Variants in ATP2B3 observed in about 807,000 individuals in gnomAD.
ATP2B3 encodes ATPase plasma membrane Ca2+ transporting 3.
ATP2B3 carries 12 observed loss-of-function variants against 70.8 expected under a neutral mutation model. The ratio of observed to expected loss-of-function variants is 0.17; its 90% CI spans 0.11 to 0.27. The LOEUF (loss-of-function observed/expected upper bound fraction) is 0.27. ATP2B3 is among the 10% of genes least tolerant of loss of function. The pLI, the probability that ATP2B3 is intolerant of heterozygous loss-of-function variation, is 1.00. For synonymous variants in ATP2B3, 460 were observed against 497.8 expected (o/e 0.92, Z 1.01); for missense variants, 858 against 1,118.5 (o/e 0.77, Z 3.32).
intron 7 of ATP2B3, among the ~76,000 whole-genome samples, chrX:153,543,718 C>T (rs947326084): frequency 8.8e-6 from 1 of 113,179 alleles, no homozygotes; most frequent in Non-Finnish European, 1.9e-5. Context: ...CTGCAGCGGG[C>T]GGAGTCCTCA....
intron 2 of ATP2B3, among the ~76,000 whole-genome samples, chrX:153,524,609 T>C (rs1321462729): frequency 2.7e-5 from 3 of 111,852 alleles, no homozygotes; most frequent in Non-Finnish European, 3.8e-5. Flanking sequence ...TAACCAGTTG[T>C]CCCCATCTCT....
chrX:153,519,629 G>A (rs1333316360), intron 2 of ATP2B3, among the ~76,000 whole-genome samples: 5 of 112,734 alleles, frequency 4.4e-5, no homozygotes, highest in South Asian at 7.3e-4. Context: ...TCAAGTCTGC[G>A]CCATCGGAAC....
rs782583671 is a variant in ATP2B3 at position 153,564,989 on chromosome X, C to T, written c.3228C>T (p.Asp1076=). The T allele has an allele frequency of 1.1e-4, 130 of 1,199,526 alleles. No homozygotes were observed. Among genetic ancestry groups the T allele is most frequent in the East Asian group, 7.8e-4 (26 of 33,247 alleles). Residue 1076 remains aspartate, a synonymous_variant, in exon 21 of 22, where the codon GAC becomes GAT. Coordinates refer to ENST00000263519, the MANE Select transcript of ATP2B3 (RefSeq NM_001001344.3). ...AAGCCGGGCACGGGCCCGGGAAGGA[C>T]GAGATGACCGACGAGGAGCTGGCCG... ...LKEAGHGPGK[D]EMTDEELAEG...
intron 3 of ATP2B3, among the ~76,000 whole-genome samples, chrX:153,539,309 G>A (rs1268738940): frequency 8.9e-6 from 1 of 112,693 alleles, no homozygotes; most frequent in Admixed American, 9.3e-5. Flanking sequence ...TCAGCAAGAG[G>A]CCTTTGGCTC....
At position 153,539,393 on chromosome X, in the gene ATP2B3, G is replaced by A. The variant is rs782573300; in HGVS notation, c.209-1966G>A. Among the ~76,000 whole-genome samples, 6 of 112,970 alleles carry A rather than the reference G, an allele frequency of 5.3e-5. No individual in the cohort carries two copies. The South Asian group carries it at 1.1e-3, about 21-fold the overall frequency. On this transcript the variant is annotated intron_variant, in intron 3 of 21. Transcript: ENST00000263519. The stretch of plus-strand genomic sequence containing the variant: ...TTCTGGGTGGGGAGGACGCCATGTG[G>A]CCGTCGCCTAGCTGGGGTGAATGAG...
Position 153,582,628 on chromosome X carries a change from C to A in ATP2B3, c.*2330C>A, listed in dbSNP as rs1185911463. The A allele has an allele frequency of 8.9e-6, 1 of 112,634 alleles. No individual in the cohort carries two copies. The highest frequency in any genetic ancestry group is 9.4e-5 in the Admixed American group (1 of 10,665). 9.3% of individuals were successfully genotyped at this position (112,634 alleles called of 1,213,427 possible). ...TGTGCTGTGCTGTGGAGTTCAGAAACGGGGTACCATGACCTGGAATCTTTT... is the reference window on the plus strand; with the variant it reads ...TGTGCTGTGCTGTGGAGTTCAGAAAAGGGGTACCATGACCTGGAATCTTTT... On this transcript the variant is annotated 3_prime_UTR_variant, in exon 22 of 22. Transcript: ENST00000263519.
At chrX:153,571,002 G>A (rs868946759) in intron 21 of ATP2B3, among the ~76,000 whole-genome samples, 17 of 26,754 alleles carry the variant, frequency 6.4e-4, no homozygotes, top group East Asian at 8.2e-4. Flanking sequence ...ACGTGCGCGC[G>A]TACACACACA....
intron 20 of ATP2B3, 83 bp from the exon 21 acceptor site, chrX:153,564,838 C>T (rs2090679091): frequency 1.1e-6 from 1 of 949,629 alleles, no homozygotes; most frequent in South Asian, 2.7e-5. Context: ...AGGAGGCCGG[C>T]GTCTCCCTCT....
intron 2 of ATP2B3, among the ~76,000 whole-genome samples, chrX:153,525,209 C>G (rs2090013319): frequency 8.9e-6 from 1 of 112,574 alleles, no homozygotes; most frequent in Non-Finnish European, 1.9e-5. Context: ...TTCTGCTGCT[C>G]TTTTGGAAAT....
intron 2 of ATP2B3, among the ~76,000 whole-genome samples, chrX:153,531,828 C>T (rs2090122534): frequency 8.9e-6 from 1 of 112,542 alleles, no homozygotes; most frequent in South Asian, 3.6e-4. Flanking sequence ...GACTGGGGTG[C>T]AGTGGGGCTG....
intron 2 of ATP2B3, among the ~76,000 whole-genome samples, chrX:153,526,621 C>A (rs936308909): frequency 2.7e-5 from 3 of 112,469 alleles, no homozygotes; most frequent in Non-Finnish European, 3.8e-5. Flanking sequence ...CCTGCAGCCT[C>A]GGCTGCAGCT....
Position 153,541,155 on chromosome X carries a change from G to A in ATP2B3, c.209-204G>A, listed in dbSNP as rs111942085. Among the ~76,000 whole-genome samples the A allele has an allele frequency of 3.2e-3, 355 of 112,414 alleles. 1 individual carries two copies. Among genetic ancestry groups the A allele is most frequent in the African/African-American group, 0.011 (332 of 30,983 alleles). The stretch of plus-strand genomic sequence containing the variant: ...TCCCCATGACAGCAGCCAGAGAGCC[G>A]CATGCTCACTCCCACGTGCACACCC... On this transcript the variant is annotated intron_variant, in intron 3 of 21. Coordinates refer to ENST00000263519, the MANE Select transcript of ATP2B3 (RefSeq NM_001001344.3).
At chrX:153,543,288 G>A in intron 7 of ATP2B3, 120 bp downstream of exon 7, 6 of 963,704 alleles carry the variant, frequency 6.2e-6, no homozygotes, top group Non-Finnish European at 8.3e-6. Context: ...GTGGGTGGGA[G>A]GCCGGGCCCT....
At chrX:153,554,365 A>T (rs1282859564) in intron 13 of ATP2B3, among the ~76,000 whole-genome samples, 1 of 113,280 alleles carries the variant, frequency 8.8e-6, no homozygotes, top group African/African-American at 3.2e-5. Context: ...GGAGCCATCG[A>T]GTCCCTCTGT....
chrX:153,524,853 C>A (rs892376374), intron 2 of ATP2B3, among the ~76,000 whole-genome samples: 2 of 112,193 alleles, frequency 1.8e-5, no homozygotes, highest in Non-Finnish European at 3.8e-5. Context: ...TTTGTCAAGA[C>A]CCCCTTCCTC....
intron 21 of ATP2B3, among the ~76,000 whole-genome samples, chrX:153,575,747 G>A (rs1432767421): frequency 6.2e-5 from 7 of 112,372 alleles, no homozygotes; most frequent in African/African-American, 1.9e-4. Context: ...ATGGAAGGCC[G>A]AGAGCCAGAA....
At chrX:153,542,596 C>T (rs891042846) in intron 6 of ATP2B3, 148 bp downstream of exon 6, 36 of 861,311 alleles carry the variant, frequency 4.2e-5, no homozygotes, top group East Asian at 2.8e-4. Context: ...CTGAAGACTC[C>T]GCCCGTCTTG....
chrX:153,541,433 C>T lies in ATP2B3; in HGVS notation c.283C>T (p.Pro95Ser), dbSNP rs2124407689. ...GCAGAACTTCATCCCCCCAAAGCAA[C>T]CCAAGACCTTCCTGCAGCTGGTGTG... ...YGQNFIPPKQ[P>S]KTFLQLVWEA... The change falls in exon 4 of 22, where the codon CCC (proline) becomes TCC (serine). Residue 95 changes from proline (P) to serine (S), a missense_variant. Coordinates refer to ENST00000263519, the MANE Select transcript of ATP2B3 (RefSeq NM_001001344.3). 8.3e-7 allele frequency: 1 copy of T among 1,212,070 alleles called. No individual in the cohort carries two copies. The highest frequency in any genetic ancestry group is 1.1e-6 in the Non-Finnish European group (1 of 895,599).
At chrX:153,562,753 G>A (rs1226981377) in intron 20 of ATP2B3, among the ~76,000 whole-genome samples, 5 of 112,334 alleles carry the variant, frequency 4.5e-5, no homozygotes, top group African/African-American at 1.3e-4. Flanking sequence ...TTTAGGATCC[G>A]CTTATCTCTG....
Sources: gnomAD v4.1 joint callset for allele counts (sites outside exome capture counted in the v4.1 genomes callset) on GRCh38, gnomAD v4.1.1 for gene constraint, MANE v1.5 for transcripts, NCBI Gene and HGNC (gene_info 2026-07-23, HGNC 2026-07-21) for gene names.